EXOC4: variants seen among roughly 807,000 people sequenced by gnomAD.
The protein encoded by EXOC4 is SEC8-like 1.
In EXOC4, 71 loss-of-function variants were observed where a neutral mutation model predicts 107.2. That is an observed-to-expected ratio of 0.66 (90% CI 0.55 to 0.81). EXOC4 has a LOEUF of 0.81. Among genes scored for constraint, EXOC4 ranks in the 30% least tolerant of loss-of-function variants. EXOC4 has a pLI of 0.00. For missense variants in EXOC4, 1,108 were observed against 1,189.6 expected, an observed-to-expected ratio of 0.93 and a Z score of 1.01; for synonymous variants, 456 against 441.2, an observed-to-expected ratio of 1.03 and a Z score of -0.42.
At chr7:133,592,216 C>G (rs923990904) in intron 9 of EXOC4, among the ~76,000 whole-genome samples, 2 of 152,066 alleles carry the variant, frequency 1.3e-5, no homozygotes, top group Non-Finnish European at 2.9e-5. Flanking sequence ...TGTGTGCCGC[C>G]ACATCCAGTG....
intron 9 of EXOC4, among the ~76,000 whole-genome samples, chr7:133,579,174 T>G (rs746970858): frequency 3.3e-5 from 5 of 152,208 alleles, no homozygotes; most frequent in Non-Finnish European, 7.3e-5. Flanking sequence ...ACTGATACTT[T>G]AGTTTTAGGT....
chr7:133,617,911 T>C (rs1802233651), intron 9 of EXOC4, among the ~76,000 whole-genome samples: 1 of 152,166 alleles, frequency 6.6e-6, no homozygotes, highest in African/African-American at 2.4e-5. Context: ...ATGTTTGGGA[T>C]AGGACCTACT....
chr7:134,072,651 T>A, the EXOC4 span, among the ~76,000 whole-genome samples: 8 of 152,300 alleles, frequency 5.3e-5, no homozygotes, highest in East Asian at 1.2e-3. Context: ...CTGAAGACCA[T>A]CAACTTTGCA....
chr7:133,942,913 A>AT (rs1800465366), intron 14 of EXOC4, among the ~76,000 whole-genome samples: 1 of 152,050 alleles, frequency 6.6e-6, no homozygotes, highest in African/African-American at 2.4e-5. Flanking sequence ...GCCACTCTCT[A>AT]TTTTTGTTTT....
chr7:133,326,528 T>C (rs1011719070), intron 5 of EXOC4, among the ~76,000 whole-genome samples: 3 of 152,206 alleles, frequency 2.0e-5, no homozygotes, highest in Non-Finnish European at 2.9e-5. Context: ...CAGTGAATAT[T>C]GCTGAACAGC....
chr7:133,668,139 C>T (rs760585269), intron 10 of EXOC4, among the ~76,000 whole-genome samples: 7 of 151,996 alleles, frequency 4.6e-5, no homozygotes, highest in African/African-American at 7.3e-5. Context: ...GGTTTATATT[C>T]GGAATGGTTT....
chr7:133,761,210 G>C (rs575037790), intron 10 of EXOC4, among the ~76,000 whole-genome samples: 1 of 152,246 alleles, frequency 6.6e-6, no homozygotes, highest in East Asian at 1.9e-4. Flanking sequence ...AGCAGAAGAT[G>C]CCCTAAGGAG....
At chr7:133,687,234 G>A (rs932803762) in intron 10 of EXOC4, among the ~76,000 whole-genome samples, 5 of 151,946 alleles carry the variant, frequency 3.3e-5, no homozygotes, top group African/African-American at 1.2e-4. Flanking sequence ...GAATGATACA[G>A]TGGACTTTAG....
intron 11 of EXOC4, among the ~76,000 whole-genome samples, chr7:133,867,816 A>C (rs908705371): frequency 1.3e-5 from 2 of 152,132 alleles, no homozygotes; most frequent in African/African-American, 4.8e-5. Context: ...TTTCTGTAGA[A>C]CCCTGAGCAA....
chr7:133,483,819 T>TA (rs973280565), intron 9 of EXOC4, among the ~76,000 whole-genome samples: 5 of 152,228 alleles, frequency 3.3e-5, no homozygotes, highest in Admixed American at 2.0e-4. Flanking sequence ...TGTCTTCCAT[T>TA]AAAAACGGCT....
At chr7:133,547,564 G>A (rs1800505885) in intron 9 of EXOC4, among the ~76,000 whole-genome samples, 1 of 152,112 alleles carries the variant, frequency 6.6e-6, no homozygotes, top group African/African-American at 2.4e-5. Flanking sequence ...TTCAACATTG[G>A]AGTCAATCCC....
chr7:133,318,903 T>C (rs2150583585), intron 5 of EXOC4, among the ~76,000 whole-genome samples: 1 of 152,366 alleles, frequency 6.6e-6, no homozygotes, highest in African/African-American at 2.4e-5. Context: ...CAGCCTCTTC[T>C]TGGAGCTAGA....
chr7:133,284,530 A>G (rs1794230980), intron 2 of EXOC4, among the ~76,000 whole-genome samples: 2 of 151,938 alleles, frequency 1.3e-5, no homozygotes, highest in South Asian at 4.2e-4. Flanking sequence ...GTTTTATTTT[A>G]TTTTATTTTA....
At chr7:133,983,406 T>C (rs1047289758) in intron 14 of EXOC4, among the ~76,000 whole-genome samples, 1 of 152,174 alleles carries the variant, frequency 6.6e-6, no homozygotes, top group African/African-American at 2.4e-5. Flanking sequence ...ATAAAGCAAC[T>C]GGAAAAAGTT....
intron 17 of EXOC4, among the ~76,000 whole-genome samples, chr7:134,062,957 C>T (rs544048934): frequency 6.6e-6 from 1 of 152,364 alleles, no homozygotes; most frequent in East Asian, 1.9e-4. Flanking sequence ...CTCAAGTCTC[C>T]TCTTTCTGCT....
intron 1 of EXOC4, among the ~76,000 whole-genome samples, chr7:133,261,744 A>G (rs773909481): frequency 1.3e-5 from 2 of 152,186 alleles, no homozygotes; most frequent in African/African-American, 4.8e-5. Context: ...AGTTTGTCTC[A>G]CTACTGTGAC....
chr7:133,598,555 A>G (rs983707733), intron 9 of EXOC4, among the ~76,000 whole-genome samples: 3 of 152,228 alleles, frequency 2.0e-5, no homozygotes, highest in South Asian at 2.1e-4. Context: ...CAGTTTTTGG[A>G]AACTTTTAAT....
At chr7:134,017,383 C>A (rs1392925415) in intron 17 of EXOC4, among the ~76,000 whole-genome samples, 1 of 151,980 alleles carries the variant, frequency 6.6e-6, no homozygotes, top group African/African-American at 2.4e-5. Flanking sequence ...TTGGGAAATG[C>A]GATGGTTTAC....
At chr7:133,755,244 A>ATATATATATTATATATATAT (rs1472834467) in intron 10 of EXOC4, among the ~76,000 whole-genome samples, 5 of 82,320 alleles carry the variant, frequency 6.1e-5, no homozygotes, top group African/African-American at 1.2e-4. Context: ...AATATATATA[A>ATATATATATTATATATATAT]TATATATATT....
Sources: gnomAD v4.1 joint callset for allele counts (sites outside exome capture counted in the v4.1 genomes callset) on GRCh38, gnomAD v4.1.1 for gene constraint, MANE v1.5 for transcripts, NCBI Gene and HGNC (gene_info 2026-07-23, HGNC 2026-07-21) for gene names.